Variants in ERFL observed in about 807,000 individuals in gnomAD.
The protein encoded by ERFL is ETS repressor factor like.
In ERFL, 8 loss-of-function variants were observed where a neutral mutation model predicts 27.9. The ratio of observed to expected loss-of-function variants is 0.29; its 90% CI spans 0.17 to 0.52. The LOEUF is 0.52. Among genes scored for constraint, ERFL ranks in the 20% least tolerant of loss-of-function variants. ERFL has a pLI of 0.97. For missense variants in ERFL, 294 were observed against 444.4 expected, an observed-to-expected ratio of 0.66 and a Z score of 3.04; for synonymous variants, 174 against 202.8, an observed-to-expected ratio of 0.86 and a Z score of 1.21.
chr19:41,927,134 A>G (rs142449828), intron 1 of ERFL, among the ~76,000 whole-genome samples: 1 of 152,252 alleles, frequency 6.6e-6, no homozygotes, highest in Non-Finnish European at 1.5e-5. Flanking sequence ...GGAGAGTTAG[A>G]GGTGGACACA....
At chr19:41,920,192 G>GATA (rs1299102530) in intron 1 of ERFL, among the ~76,000 whole-genome samples, 2 of 110,220 alleles carry the variant, frequency 1.8e-5, no homozygotes, top group Non-Finnish European at 3.6e-5. Flanking sequence ...TCACAGACAT[G>GATA]CGCTCACAGA....
At position 41,907,937 on chromosome 19, in the gene ERFL, C is replaced by T. The variant is rs1013128640; in HGVS notation, c.*291G>A. ...ACTTGGGGCATAGCACAGGGGTGGG[C>T]GGGCGGGGCAGGCTGGGCGCCATAT... On this transcript the variant is annotated 3_prime_UTR_variant, in exon 6 of 6. Transcript: ENST00000597630. The T allele has an allele frequency of 1.2e-4, 23 of 191,310 alleles. No homozygotes were observed. Among genetic ancestry groups the T allele is most frequent in the African/African-American group, 7.9e-4 (6 of 7,574 alleles). 11.9% of individuals were successfully genotyped at this position (191,310 alleles called of 1,614,324 possible).
At chr19:41,914,597 T>A in intron 1 of ERFL, among the ~76,000 whole-genome samples, 1 of 65,568 alleles carries the variant, frequency 1.5e-5, no homozygotes, top group Non-Finnish European at 2.8e-5. Context: ...CTTTCCACCA[T>A]CTCTGTCTCT....
intron 2 of ERFL, among the ~76,000 whole-genome samples, chr19:41,911,164 A>G (rs1475155420): frequency 6.6e-6 from 1 of 152,128 alleles, no homozygotes; most frequent in Non-Finnish European, 1.5e-5. Context: ...CTCACTCAGC[A>G]TCACGTCTCA....
chr19:41,913,379 G>GTC (rs1217352410), intron 1 of ERFL, among the ~76,000 whole-genome samples: 4 of 151,274 alleles, frequency 2.6e-5, no homozygotes, highest in African/African-American at 7.3e-5. Context: ...GTCTCCCTCT[G>GTC]TCTCTCTCTC....
rs537967349 is a variant in ERFL at position 41,910,106 on chromosome 19, G to A, written c.68-9C>T. 49 of 1,608,124 alleles carry A rather than the reference G, an allele frequency of 3.0e-5. No individual in the cohort carries two copies. Among genetic ancestry groups the A allele is most frequent in the Middle Eastern group, 1.9e-4 (1 of 5,300 alleles). On this transcript the variant is annotated splice_polypyrimidine_tract_variant and intron_variant, in intron 2 of 5. Coordinates refer to ENST00000597630, the MANE Select transcript of ERFL (RefSeq NM_001365103.2). The surrounding 1 kb of genome is among the most constrained non-coding windows in gnomAD (Gnocchi z 4.4). ...ATCCGGGAAGGCAAACCCTGGGGAC[G>A]GGAGGCAGGGAGTGGCCTGGGGTCA...
In ERFL at chr19:41,908,101, T is replaced by C; in HGVS notation, c.*127A>G. The stretch of plus-strand genomic sequence containing the variant: ...CCACTCTGGGGCTGGGGAAGGAGAC[T>C]GGGGCAGCAATGTGCCCAGACCTGG... On this transcript the variant is annotated 3_prime_UTR_variant, in exon 6 of 6. Transcript: ENST00000597630. The surrounding 1 kb of genome is among the most constrained non-coding windows in gnomAD (Gnocchi z 6.7). 1.5e-6 allele frequency: 1 copy of C among 674,682 alleles called. No individual in the cohort carries two copies. Among genetic ancestry groups the C allele is most frequent in the Non-Finnish European group, 2.1e-6 (1 of 479,436 alleles). 41.8% of individuals were successfully genotyped at this position (674,682 alleles called of 1,614,324 possible).
intron 1 of ERFL, among the ~76,000 whole-genome samples, chr19:41,914,567 CTGT>C (rs2074776460): frequency 4.4e-5 from 3 of 68,252 alleles, no homozygotes; most frequent in Non-Finnish European, 6.1e-5. Context: ...TCCACCATCT[CTGT>C]CTCCGTCTCT....
chr19:41,909,927 G>C lies in ERFL; in HGVS notation c.238C>G (p.Arg80Gly). ...TTGCATTTGCGAATACCCCACAGCC[G>C]GGCCACCTCATCGGGGTCTTTGATG... ...FVIKDPDEVA[R>G]LWGIRKCKPH... Residue 80 changes from arginine (R) to glycine (G), a missense_variant, in exon 3 of 6, where the codon CGG (arginine) becomes GGG (glycine). Transcript: ENST00000597630. The surrounding 1 kb of genome is among the most constrained non-coding windows in gnomAD (Gnocchi z 5.2). 1 of 1,613,776 alleles carries C rather than the reference G, an allele frequency of 6.2e-7. No homozygotes were observed. Among genetic ancestry groups the C allele is most frequent in the Non-Finnish European group, 8.5e-7 (1 of 1,179,892 alleles).
chr19:41,913,857 G>A (rs1439494348), intron 1 of ERFL, among the ~76,000 whole-genome samples: 4 of 142,060 alleles, frequency 2.8e-5, no homozygotes, highest in African/African-American at 1.1e-4. Context: ...GACACACGCT[G>A]CCCTCGCGCT....
At position 41,908,696 on chromosome 19, in the gene ERFL, G is replaced by T; in HGVS notation, c.617-20C>A. The T allele has an allele frequency of 8.2e-7, 1 of 1,218,094 alleles. No homozygotes were observed. The highest frequency in any genetic ancestry group is 3.2e-5 in the East Asian group (1 of 31,636). The allele number at this position is 1,218,094 out of a possible 1,614,324, so 75.5% of individuals were successfully genotyped here. On this transcript the variant is annotated intron_variant, in intron 5 of 5. Coordinates refer to ENST00000597630, the MANE Select transcript of ERFL (RefSeq NM_001365103.2). This position sits in a 1 kb window ranked among gnomAD's most constrained non-coding sequence, Gnocchi z 6.7. ...TGGCACCTGGGGGGCACAGGGGTAG[G>T]TCAGGCTGGGGCACCTGCCTGCCTG...
intron 1 of ERFL, among the ~76,000 whole-genome samples, chr19:41,915,237 CCG>C (rs1555851865): frequency 6.7e-6 from 1 of 148,834 alleles, no homozygotes; most frequent in African/African-American, 2.5e-5. Flanking sequence ...TAACGAGGAG[CCG>C]TGGGATCGGC....
chr19:41,927,413 C>T (rs912586181), intron 1 of ERFL, among the ~76,000 whole-genome samples: 2 of 152,076 alleles, frequency 1.3e-5, no homozygotes, highest in Admixed American at 6.5e-5. Flanking sequence ...GATCCAAATT[C>T]GCAGACCCTT....
intron 1 of ERFL, among the ~76,000 whole-genome samples, chr19:41,918,866 A>G (rs559813377): frequency 5.3e-5 from 8 of 149,660 alleles, no homozygotes; most frequent in Non-Finnish European, 8.9e-5. Context: ...CACACCACAC[A>G]CCACATATCC....
At position 41,907,997 on chromosome 19, in the gene ERFL, C is replaced by T. The variant is rs1324502863; in HGVS notation, c.*231G>A. 3 of 408,078 alleles carry T rather than the reference C, an allele frequency of 7.4e-6. No individual in the cohort carries two copies. Among genetic ancestry groups the T allele is most frequent in the Admixed American group, 4.4e-5 (1 of 22,602 alleles). 25.3% of individuals were successfully genotyped at this position (408,078 alleles called of 1,614,324 possible). On this transcript the variant is annotated 3_prime_UTR_variant, in exon 6 of 6. Transcript: ENST00000597630. ...GGAGTGGGGCCAGGCGGGGACCCCC[C>T]TCAAACTGGAGCCTGGGGAGGAGGC...
chr19:41,910,817 C>T lies in ERFL; in HGVS notation c.68-720G>A, dbSNP rs2074747469. Among the ~76,000 whole-genome samples, 1 of 152,148 alleles carries T rather than the reference C, an allele frequency of 6.6e-6. No homozygotes were observed. On this transcript the variant is annotated intron_variant, in intron 2 of 5. Transcript: ENST00000597630. This position sits in a 1 kb window ranked among gnomAD's most constrained non-coding sequence, Gnocchi z 4.4. ...ACACAGCCACACTGGGACACAGGCA[C>T]ACCGGAGTGCCACACTCATGCTGGG...
Position 41,916,458 on chromosome 19 carries a change from CAG to C in ERFL, c.-13-3528_-13-3527del, listed in dbSNP as rs1444035748. On this transcript the variant is annotated intron_variant, in intron 1 of 5. Transcript: ENST00000597630. This position sits in a 1 kb window ranked among gnomAD's most constrained non-coding sequence, Gnocchi z 5.4. ...CAGCATAGTCACAGATGCACAGAAA[CAG>C]ACACACAGTTTTACACAAATACACA... Among the ~76,000 whole-genome samples, 2 of 152,100 alleles carry C rather than the reference CAG, an allele frequency of 1.3e-5. No individual in the cohort carries two copies. Among genetic ancestry groups the C allele is most frequent in the Non-Finnish European group, 2.9e-5 (2 of 68,036 alleles).
rs930995751 is a variant in ERFL at position 41,910,750 on chromosome 19, C to T, written c.68-653G>A. Reference sequence around the variant, plus strand: ...GTGTGCGTGGACACACACATGCCCACGGAAGACATGTCACACAGACATCAG... The same window carrying T: ...GTGTGCGTGGACACACACATGCCCATGGAAGACATGTCACACAGACATCAG... On this transcript the variant is annotated intron_variant, in intron 2 of 5. Transcript: ENST00000597630. The surrounding 1 kb of genome is among the most constrained non-coding windows in gnomAD (Gnocchi z 4.4). Among the ~76,000 whole-genome samples, 22 of 152,128 alleles carry T rather than the reference C, an allele frequency of 1.4e-4. No individual in the cohort carries two copies. Among genetic ancestry groups the T allele is most frequent in the Middle Eastern group, 6.3e-3 (2 of 316 alleles).
chr19:41,913,164 T>G (rs1284487437), intron 1 of ERFL, among the ~76,000 whole-genome samples: 1 of 145,332 alleles, frequency 6.9e-6, no homozygotes, highest in Non-Finnish European at 1.5e-5. Flanking sequence ...TCCCGCAGCC[T>G]CCTCCTCACT....
Sources: allele counts gnomAD v4.1 joint callset (sites outside exome capture counted in the v4.1 genomes callset), GRCh38; gene constraint gnomAD v4.1.1; non-coding constraint Gnocchi (gnomAD v3.1); transcripts MANE v1.5; gene names NCBI Gene and HGNC (gene_info 2026-07-23, HGNC 2026-07-21).